AKAP19: variants seen among roughly 807,000 people sequenced by gnomAD.
AKAP19 encodes A-kinase anchoring protein 19, also known as small A-kinase anchoring protein.
the AKAP19 span, among the ~76,000 whole-genome samples, chr2:189,885,673 G>A: frequency 2.0e-5 from 3 of 152,038 alleles, no homozygotes; most frequent in African/African-American, 7.2e-5. Flanking sequence ...GGCCTTTTTG[G>A]TCTTCCAGAA....
the AKAP19 span, among the ~76,000 whole-genome samples, chr2:190,190,376 T>C: frequency 6.6e-6 from 1 of 152,232 alleles, no homozygotes; most frequent in African/African-American, 2.4e-5. Context: ...GACATACCAA[T>C]AGTTCATCCT....
the AKAP19 span, among the ~76,000 whole-genome samples, chr2:190,014,664 T>C: frequency 1.3e-5 from 2 of 151,202 alleles, no homozygotes; most frequent in Admixed American, 1.3e-4. Context: ...TGACACAGAG[T>C]CTCACTCTGA....
the AKAP19 span, among the ~76,000 whole-genome samples, chr2:189,976,377 G>A: frequency 3.5e-4 from 53 of 152,368 alleles, no homozygotes; most frequent in Non-Finnish European, 7.1e-4. Context: ...TGAGGTGTTA[G>A]TCTGCCCCTA....
the AKAP19 span, among the ~76,000 whole-genome samples, chr2:190,026,736 A>C: frequency 6.6e-6 from 1 of 152,222 alleles, no homozygotes; most frequent in Non-Finnish European, 1.5e-5. Context: ...TCTAGGGAGA[A>C]TATAGAGATG....
chr2:189,962,037 CTG>C, the AKAP19 span, among the ~76,000 whole-genome samples: 1 of 152,010 alleles, frequency 6.6e-6, no homozygotes, highest in African/African-American at 2.4e-5. Flanking sequence ...CTAATGGAAA[CTG>C]TGAAAACCAT....
the AKAP19 span, among the ~76,000 whole-genome samples, chr2:190,090,739 G>A: frequency 6.6e-6 from 1 of 152,174 alleles, no homozygotes; most frequent in Non-Finnish European, 1.5e-5. Context: ...GTGACTCCCA[G>A]GGAAAAGTGT....
At chr2:190,050,713 G>A in the AKAP19 span, among the ~76,000 whole-genome samples, 2 of 152,180 alleles carry the variant, frequency 1.3e-5, no homozygotes, top group African/African-American at 4.8e-5. Context: ...AGTAAATAGA[G>A]CCAGTCAGTC....
the AKAP19 span, among the ~76,000 whole-genome samples, chr2:190,158,039 C>T: frequency 7.9e-4 from 120 of 152,286 alleles, no homozygotes; most frequent in Non-Finnish European, 1.3e-3. Context: ...TCATAGATTC[C>T]AGGTATTGTA....
chr2:190,148,371 G>A, the AKAP19 span, among the ~76,000 whole-genome samples: 1 of 152,122 alleles, frequency 6.6e-6, no homozygotes, highest in Admixed American at 6.6e-5. Context: ...TGATTATGGT[G>A]GATTATCTTT....
chr2:190,158,330 G>A, the AKAP19 span, among the ~76,000 whole-genome samples: 4 of 152,294 alleles, frequency 2.6e-5, no homozygotes, highest in East Asian at 5.8e-4. Context: ...CAAAAGCAGG[G>A]TGTTTTTAGC....
chr2:190,096,003 C>T, the AKAP19 span, among the ~76,000 whole-genome samples: 1 of 152,102 alleles, frequency 6.6e-6, no homozygotes, highest in South Asian at 2.1e-4. Context: ...TTGTCTTAGA[C>T]CTCGGTGGTG....
chr2:190,045,460 C>A, the AKAP19 span, among the ~76,000 whole-genome samples: 1 of 151,392 alleles, frequency 6.6e-6, no homozygotes, highest in African/African-American at 2.4e-5. Flanking sequence ...TCCTGCCCAG[C>A]GAGGAGGAAT....
At chr2:189,930,945 G>A in the AKAP19 span, 1 of 764,682 alleles carries the variant, frequency 1.3e-6, no homozygotes, top group Non-Finnish European at 2.3e-6. Flanking sequence ...AGCTAGCCCA[G>A]TCGGACTGAG....
At chr2:190,024,372 A>G in the AKAP19 span, among the ~76,000 whole-genome samples, 4 of 141,404 alleles carry the variant, frequency 2.8e-5, no homozygotes, top group Admixed American at 7.0e-5. Context: ...ACACATATAT[A>G]TGTGTGTGTA....
the AKAP19 span, among the ~76,000 whole-genome samples, chr2:190,131,687 A>T: frequency 6.6e-6 from 1 of 152,222 alleles, no homozygotes; most frequent in South Asian, 2.1e-4. Context: ...CGGCATCTGA[A>T]GTTGGGCAGT....
At chr2:190,013,345 A>G in the AKAP19 span, among the ~76,000 whole-genome samples, 3 of 151,988 alleles carry the variant, frequency 2.0e-5, no homozygotes, top group Admixed American at 1.3e-4. Context: ...GGTAGGTTGT[A>G]TGTGTCTAGG....
At chr2:190,090,554 T>G in the AKAP19 span, among the ~76,000 whole-genome samples, 2 of 152,246 alleles carry the variant, frequency 1.3e-5, no homozygotes, top group Admixed American at 6.5e-5. Flanking sequence ...TTTCTACTTA[T>G]GTATAGCCTC....
chr2:190,041,820 G>A, the AKAP19 span, among the ~76,000 whole-genome samples: 2 of 152,054 alleles, frequency 1.3e-5, no homozygotes. Flanking sequence ...AATCACATTT[G>A]TTGATTTGCA....
chr2:189,908,398 C>T, the AKAP19 span, among the ~76,000 whole-genome samples: 7 of 151,852 alleles, frequency 4.6e-5, no homozygotes, highest in African/African-American at 9.7e-5. Flanking sequence ...GGTTTCATCA[C>T]GTTGGCCAGG....
Sources: allele counts gnomAD v4.1 joint callset (sites outside exome capture counted in the v4.1 genomes callset), GRCh38; gene constraint gnomAD v4.1.1; transcripts MANE v1.5; gene names NCBI Gene and HGNC (gene_info 2026-07-23, HGNC 2026-07-21).